Variants in H2BC18 observed in about 807,000 individuals in gnomAD.
The protein encoded by H2BC18 is histone H2B type 2-F.
A neutral mutation model predicts 6.3 loss-of-function variants in H2BC18; 8 were observed. The observed-to-expected ratio is 1.28, with a 90% CI of 0.75 to 2.31. H2BC18 has a LOEUF of 2.31. Ranked by LOEUF, H2BC18 falls within the 30% of genes most tolerant of loss-of-function variation. The pLI, the probability that H2BC18 is intolerant of heterozygous loss-of-function variation, is 0.00. For missense variants in H2BC18, 106 were observed against 174.5 expected (o/e 0.61, Z 2.21); for synonymous variants, 104 against 78.1 (o/e 1.33, Z -1.75).
At chr1:149,784,382 C>G in intron 1 of H2BC18, 2 of 1,565,172 alleles carry the variant, frequency 1.3e-6, no homozygotes, top group Non-Finnish European at 1.7e-6. Flanking sequence ...TATGTACCTA[C>G]CAGGTGAAAC....
chr1:149,802,344 T>C (rs1438248353), intron 1 of H2BC18, among the ~76,000 whole-genome samples: 1 of 152,094 alleles, frequency 6.6e-6, no homozygotes, highest in Admixed American at 6.5e-5. Context: ...ATGGCTAATA[T>C]ATATACAAGT....
chr1:149,784,310 T>C lies in H2BC18; in HGVS notation c.378-1050A>G, dbSNP rs1166874658. The C allele has an allele frequency of 1.9e-6, 3 of 1,610,334 alleles. No individual in the cohort carries two copies. The Admixed American group carries it at 5.0e-5, about 27-fold the overall frequency. ...GGAAACCACAAGGTCTTCCTCTGCG[T>C]TCTCTCCTTTCTGGATGCCAGATGT... On this transcript the variant is annotated intron_variant, in intron 1 of 1. Coordinates refer to the H2BC18 transcript ENST00000545683.
At chr1:149,805,410 T>C (rs1348883907) in intron 1 of H2BC18, 1 of 152,144 alleles carries the variant, frequency 6.6e-6, no homozygotes, top group Non-Finnish European at 1.5e-5. Context: ...GCAGTTAATG[T>C]CAATACTGCC....
At chr1:149,790,074 C>G in intron 1 of H2BC18, 1 of 1,613,816 alleles carries the variant, frequency 6.2e-7, no homozygotes, top group Non-Finnish European at 8.5e-7. Context: ...AGCTCCAGTG[C>G]TGAATGCATC....
At position 149,788,531 on chromosome 1, in the gene H2BC18, C is replaced by G. The variant is rs782326669; in HGVS notation, c.378-5271G>C. ...AATTCTAACCTCACCATTCTGAAAA[C>G]CAACATAAGTCACAATGGCACCTAC... is the stretch of plus-strand genomic sequence containing the variant. On this transcript the variant is annotated intron_variant, in intron 1 of 1. Coordinates refer to the H2BC18 transcript ENST00000545683. 1.2e-5 allele frequency: 19 copies of G among 1,613,864 alleles called. 1 individual carries two copies. Among genetic ancestry groups the G allele is most frequent in the South Asian group, 2.2e-5 (2 of 91,074 alleles).
At chr1:149,811,508 G>C (rs7553723), downstream of H2BC18, 14,897 of 194,284 alleles carry the variant, frequency 0.077, 1,229 homozygotes, top group African/African-American at 0.22. Flanking sequence ...CTAAGAAATA[G>C]TAAGAGGTCG....
chr1:149,808,379 A>T (rs587650688), downstream of H2BC18, among the ~76,000 whole-genome samples: 191 of 152,218 alleles, frequency 1.3e-3, no homozygotes, highest in African/African-American at 4.4e-3. Flanking sequence ...ACCAGAGGCA[A>T]CCTTTCACTC....
rs587681037 is a variant in H2BC18 at position 149,789,317 on chromosome 1, C to G, written c.378-6057G>C. ...CTGAGGCAGGAGAATAGCATGAACC[C>G]GGGAAGCGGAGCTTGCAGTGAGCTG... On this transcript the variant is annotated intron_variant, in intron 1 of 1. Transcript: ENST00000545683. 5.9e-3 allele frequency among the ~76,000 whole-genome samples: 896 copies of G among 152,102 alleles called. 14 individuals carry two copies. The East Asian group carries it at 0.063, about 11-fold the overall frequency.
chr1:149,803,391 A>T (rs587694784), intron 1 of H2BC18, among the ~76,000 whole-genome samples: 1 of 152,304 alleles, frequency 6.6e-6, no homozygotes, highest in Non-Finnish European at 1.5e-5. Context: ...ATTTGCAGTT[A>T]TTGTCCTTTG....
intron 1 of H2BC18, among the ~76,000 whole-genome samples, chr1:149,799,493 T>G (rs2091838943): frequency 6.6e-6 from 1 of 151,908 alleles, no homozygotes; most frequent in Non-Finnish European, 1.5e-5. Context: ...CTCCTTTTAT[T>G]CCTTTATTTT....
intron 1 of H2BC18, among the ~76,000 whole-genome samples, chr1:149,789,315 C>T (rs1353368769): frequency 6.6e-6 from 1 of 152,052 alleles, no homozygotes; most frequent in African/African-American, 2.4e-5. Flanking sequence ...ATAGCATGAA[C>T]CCGGGAAGCG....
chr1:149,793,850 A>G, intron 1 of H2BC18: 1 of 1,262,470 alleles, frequency 7.9e-7, no homozygotes, highest in Admixed American at 2.4e-5. Flanking sequence ...AGTAATCCCC[A>G]AAGCAGACCA....
At chr1:149,788,330 C>T in intron 1 of H2BC18, 3 of 1,611,974 alleles carry the variant, frequency 1.9e-6, no homozygotes, top group South Asian at 2.2e-5. Context: ...GTACCTCCTC[C>T]ACTGTATACA....
chr1:149,785,407 C>CTT (rs1553750700), intron 1 of H2BC18, among the ~76,000 whole-genome samples: 5 of 74,530 alleles, frequency 6.7e-5, no homozygotes, highest in Admixed American at 1.5e-4. Flanking sequence ...AGAGCTGTTT[C>CTT]GTTTTTTTTT....
chr1:149,809,138 T>G (rs1379353898), downstream of H2BC18, among the ~76,000 whole-genome samples: 3 of 127,522 alleles, frequency 2.4e-5, no homozygotes, highest in Non-Finnish European at 4.9e-5. Flanking sequence ...TGCAGTGTTC[T>G]CTGGATCTGA....
In H2BC18 at chr1:149,806,581, C is replaced by T. The variant is rs587690731; in HGVS notation, c.377+5366G>A. ...CCAGCCTGGACAACAGAGCGAGACG[C>T]GAGACTCCGTCTCAAAAAAAAAAAA... On this transcript the variant is annotated intron_variant, in intron 1 of 1. Coordinates refer to the H2BC18 transcript ENST00000545683. Among the ~76,000 whole-genome samples the T allele has an allele frequency of 1.1e-3, 159 of 149,886 alleles. 1 individual carries two copies. Among genetic ancestry groups the T allele is most frequent in the Non-Finnish European group, 7.4e-5 (5 of 67,726 alleles).
At chr1:149,803,230 C>T (rs1195608797) in intron 1 of H2BC18, among the ~76,000 whole-genome samples, 1 of 151,920 alleles carries the variant, frequency 6.6e-6, no homozygotes, top group Non-Finnish European at 1.5e-5. Flanking sequence ...ATGATAATCC[C>T]ACAAACTAGA....
At chr1:149,809,892 A>G (rs1160544197), downstream of H2BC18, among the ~76,000 whole-genome samples, 2 of 150,676 alleles carry the variant, frequency 1.3e-5, no homozygotes, top group Non-Finnish European at 3.0e-5. Context: ...ACAAAAGCAC[A>G]GAAGACAAAG....
chr1:149,793,261 G>T (rs1467346877), intron 1 of H2BC18: 8 of 1,243,542 alleles, frequency 6.4e-6, no homozygotes, highest in Non-Finnish European at 8.3e-6. Flanking sequence ...GGGAGGGAGC[G>T]GGTGGGGAGT....
Sources: gnomAD v4.1 joint callset for allele counts (sites outside exome capture counted in the v4.1 genomes callset) on GRCh38, gnomAD v4.1.1 for gene constraint, MANE v1.5 for transcripts, NCBI Gene and HGNC (gene_info 2026-07-23, HGNC 2026-07-21) for gene names.